LARP4B: variants seen among roughly 807,000 people sequenced by gnomAD.
LARP4B encodes the protein la-related protein 4B.
A neutral mutation model predicts 89.8 loss-of-function variants in LARP4B; 12 were observed. The observed-to-expected ratio is 0.13, with a 90% confidence interval of 0.09 to 0.22. LARP4B has a LOEUF of 0.22. Ranked by LOEUF, LARP4B falls within the 10% of genes least tolerant of loss-of-function variation. LARP4B has a pLI of 1.00. For synonymous variants in LARP4B, 367 were observed against 363.3 expected, an observed-to-expected ratio of 1.01 and a Z score of -0.12; for missense variants, 757 against 947.7, an observed-to-expected ratio of 0.80 and a Z score of 2.64.
At chr10:902,754 C>T (rs1836379435) in intron 1 of LARP4B, among the ~76,000 whole-genome samples, 1 of 151,844 alleles carries the variant, frequency 6.6e-6, no homozygotes, top group African/African-American at 2.4e-5. Flanking sequence ...AAGTGATTCT[C>T]CTGCCTCAGT....
chr10:889,328 G>A (rs1365246986), intron 1 of LARP4B, among the ~76,000 whole-genome samples: 1 of 152,096 alleles, frequency 6.6e-6, no homozygotes, highest in Non-Finnish European at 1.5e-5. Flanking sequence ...GGAGCAAGGT[G>A]GGAACCATCC....
chr10:972,575 C>T, the LARP4B span: 1 of 457,340 alleles, frequency 2.2e-6, no homozygotes, highest in Non-Finnish European at 4.4e-6. Flanking sequence ...CACACAGCCA[C>T]AGCGTCAGAG....
intron 1 of LARP4B, among the ~76,000 whole-genome samples, chr10:916,182 G>C (rs1836816638): frequency 6.6e-6 from 1 of 152,108 alleles, no homozygotes; most frequent in African/African-American, 2.4e-5. Flanking sequence ...TGATATGTCA[G>C]ACATAATTAT....
At chr10:951,715 T>G in the LARP4B span, among the ~76,000 whole-genome samples, 2 of 152,178 alleles carry the variant, frequency 1.3e-5, no homozygotes, top group African/African-American at 4.8e-5. Flanking sequence ...TCCAGGGAGT[T>G]TAACATACAA....
chr10:974,832 A>T, the LARP4B span, among the ~76,000 whole-genome samples: 1 of 152,228 alleles, frequency 6.6e-6, no homozygotes, highest in Admixed American at 6.5e-5. Context: ...GCTCCACAAC[A>T]TTCAACAAAT....
At chr10:841,507 C>T (rs1473737035) in intron 7 of LARP4B, among the ~76,000 whole-genome samples, 1 of 152,210 alleles carries the variant, frequency 6.6e-6, no homozygotes, top group Non-Finnish European at 1.5e-5. Context: ...ATTTAATATC[C>T]TCATGGTTGG....
intron 11 of LARP4B, among the ~76,000 whole-genome samples, chr10:826,101 G>C (rs1216587074): frequency 6.6e-6 from 1 of 152,212 alleles, no homozygotes; most frequent in Non-Finnish European, 1.5e-5. Context: ...GAGGAGAACT[G>C]ACACATGCGG....
intron 1 of LARP4B, among the ~76,000 whole-genome samples, chr10:902,937 C>T (rs1476489792): frequency 6.6e-6 from 1 of 152,200 alleles, no homozygotes; most frequent in African/African-American, 2.4e-5. Context: ...GCCACGGTGC[C>T]TGGCATAAAA....
chr10:930,954 G>C (rs1042733441), intron 1 of LARP4B, among the ~76,000 whole-genome samples: 1 of 150,186 alleles, frequency 6.7e-6, no homozygotes, highest in African/African-American at 2.4e-5. Flanking sequence ...GGGCGCTCGC[G>C]GCCCGCGACC....
At chr10:830,765 C>A (rs1832862125) in intron 9 of LARP4B, 102 bp downstream of exon 9, 2 of 633,586 alleles carry the variant, frequency 3.2e-6, no homozygotes, top group Admixed American at 3.1e-5. Context: ...TTCAAACTTA[C>A]CATCACAAGT....
chr10:824,494 AAAACAAACAAACAAAC>A (rs149582198), intron 13 of LARP4B, among the ~76,000 whole-genome samples: 1 of 151,876 alleles, frequency 6.6e-6, no homozygotes. Flanking sequence ...CCCTGTCTTA[AAAACAAACAAACAAAC>A]AAACAAACAA....
chr10:941,771 G>GT, the LARP4B span, among the ~76,000 whole-genome samples: 1 of 151,350 alleles, frequency 6.6e-6, no homozygotes, highest in Non-Finnish European at 1.5e-5. Context: ...TTTTTTGTTT[G>GT]TTTGTTTTGT....
intron 5 of LARP4B, among the ~76,000 whole-genome samples, chr10:847,118 A>C (rs538487238): frequency 1.3e-5 from 2 of 152,308 alleles, no homozygotes; most frequent in Admixed American, 1.3e-4. Context: ...TGCACTCAAG[A>C]GGGAATGGAA....
the LARP4B span, among the ~76,000 whole-genome samples, chr10:982,116 CTT>C: frequency 3.0e-4 from 14 of 45,992 alleles, no homozygotes; most frequent in African/African-American, 5.4e-4. Flanking sequence ...TTCTTTCTTT[CTT>C]TTTTTTTTTT....
the LARP4B span, among the ~76,000 whole-genome samples, chr10:974,590 C>A: frequency 6.6e-6 from 1 of 152,126 alleles, no homozygotes; most frequent in African/African-American, 2.4e-5. Context: ...CTGTGGCGTG[C>A]ACACTGTCAT....
chr10:850,346 A>T (rs1206481167), intron 5 of LARP4B, among the ~76,000 whole-genome samples: 1 of 152,252 alleles, frequency 6.6e-6, no homozygotes, highest in Non-Finnish European at 1.5e-5. Flanking sequence ...GATATACCAT[A>T]TTAAGGCTAG....
the LARP4B span, among the ~76,000 whole-genome samples, chr10:959,018 C>T: frequency 7.9e-5 from 12 of 152,130 alleles, no homozygotes; most frequent in Middle Eastern, 3.2e-3. Flanking sequence ...AGAGGAAGGA[C>T]GCTCCGCCTG....
the LARP4B span, among the ~76,000 whole-genome samples, chr10:967,481 A>G: frequency 6.6e-6 from 1 of 152,228 alleles, no homozygotes; most frequent in Admixed American, 6.5e-5. Flanking sequence ...AAAGAGATGA[A>G]AAATAAAAGA....
chr10:966,383 G>T, the LARP4B span, among the ~76,000 whole-genome samples: 1 of 152,166 alleles, frequency 6.6e-6, no homozygotes, highest in African/African-American at 2.4e-5. Context: ...TTGAGCCCAG[G>T]AGTTTGAGGC....
Sources: gnomAD v4.1 joint callset for allele counts (sites outside exome capture counted in the v4.1 genomes callset) on GRCh38, gnomAD v4.1.1 for gene constraint, MANE v1.5 for transcripts, NCBI Gene and HGNC (gene_info 2026-07-23, HGNC 2026-07-21) for gene names.